Variants in FANCA observed in about 807,000 individuals in gnomAD.
FANCA encodes FA complementation group A, also known as Fanconi anemia group A protein.
In FANCA, 236 loss-of-function variants were observed where a neutral mutation model predicts 194.3. The ratio of observed to expected loss-of-function variants is 1.21; its 90% CI spans 1.09 to 1.35. FANCA has a LOEUF of 1.35. FANCA is among the 40% of genes most tolerant of loss of function. The probability of loss-of-function intolerance (pLI) is 0.00; values close to 1 mark genes in which losing one functional copy is unlikely to be tolerated. For synonymous variants in FANCA, 1,014 were observed against 715.8 expected, an observed-to-expected ratio of 1.42 and a Z score of -6.65; for missense variants, 2,628 against 1,813.9, an observed-to-expected ratio of 1.45 and a Z score of -8.15.
At position 89,816,607 on chromosome 16, in the gene FANCA, G is replaced by A. The variant is rs1255621477; in HGVS notation, c.9C>T (p.Asp3=). The A allele has an allele frequency of 2.0e-6, 3 of 1,525,990 alleles. No homozygotes were observed. The highest frequency in any genetic ancestry group is 1.7e-6 in the Non-Finnish European group (2 of 1,144,522). The allele number at this position is 1,525,990 out of a possible 1,614,324, so 94.5% of individuals were successfully genotyped here. The part of the protein sequence containing the change: MS[D]SWVPNSASGQ... ...CCGAGGCGGAGTTCGGGACCCACGAGTCGGACATGGCCTTGGCGCCTACAG... is the reference window on the plus strand; with the variant it reads ...CCGAGGCGGAGTTCGGGACCCACGAATCGGACATGGCCTTGGCGCCTACAG... The change falls in exon 1 of 43, where the codon GAC becomes GAT. Residue 3 remains aspartate (D), a synonymous_variant. Coordinates refer to ENST00000389301, the MANE Select transcript of FANCA (RefSeq NM_000135.4).
chr16:89,775,768 C>T lies in FANCA; in HGVS notation c.1874G>A (p.Cys625Tyr), dbSNP rs139235751. 4 of 1,612,776 alleles carry T rather than the reference C, an allele frequency of 2.5e-6. No individual in the cohort carries two copies. In the East Asian group the frequency reaches 8.9e-5, roughly 36 times the overall value. Residue 625 changes from cysteine to tyrosine, a missense_variant, in exon 21 of 43, where the codon TGC becomes TAC. Transcript: ENST00000389301. ...TTCTGGCTTCTCTTCAGCAGCAGAG[C>T]AGGCCTGGCAGTAGGTGGAGTACAG... is the stretch of plus-strand genomic sequence containing the variant. Reference protein sequence around the residue: ...PSLYSTYCQACSAAEEKPEDA... With the variant: ...PSLYSTYCQAYSAAEEKPEDA...
chr16:89,805,616 G>A (rs559579692), intron 6 of FANCA, among the ~76,000 whole-genome samples: 4 of 152,006 alleles, frequency 2.6e-5, no homozygotes, highest in Non-Finnish European at 4.4e-5. Context: ...ATACCACCAC[G>A]CCCAGCTGGA....
intron 29 of FANCA, among the ~76,000 whole-genome samples, chr16:89,761,123 G>A (rs563789492): frequency 2.0e-5 from 3 of 152,166 alleles, no homozygotes; most frequent in South Asian, 4.1e-4. Flanking sequence ...AATAACAACC[G>A]AAATTGGGCA....
chr16:89,805,706 G>A (rs2040616070), intron 6 of FANCA, among the ~76,000 whole-genome samples: 1 of 150,170 alleles, frequency 6.7e-6, no homozygotes, highest in Non-Finnish European at 1.5e-5. Context: ...AAAGTGCTGG[G>A]ATGACTGGTG....
chr16:89,774,754 A>AAAAC (rs34932314), intron 21 of FANCA, among the ~76,000 whole-genome samples: 2 of 145,716 alleles, frequency 1.4e-5, no homozygotes, highest in South Asian at 2.2e-4. Context: ...AAAAAAAAAA[A>AAAAC]TCTCAACGAG....
Position 89,740,169 on chromosome 16 carries a change from C to T in FANCA, c.3829-70G>A, listed in dbSNP as rs559531582. Reference sequence around the variant, plus strand: ...CTCCCATGGGTAGGAGGGTACAGCCCTCAGCACAGAAGAGGGCATTTCCTC... The same window carrying T: ...CTCCCATGGGTAGGAGGGTACAGCCTTCAGCACAGAAGAGGGCATTTCCTC... On this transcript the variant is annotated intron_variant, in intron 38 of 42. Coordinates refer to ENST00000389301, the MANE Select transcript of FANCA (RefSeq NM_000135.4). 21 of 1,217,782 alleles carry T rather than the reference C, an allele frequency of 1.7e-5. No homozygotes were observed. The South Asian group carries it at 2.3e-4, about 13-fold the overall frequency. The allele number at this position is 1,217,782 out of a possible 1,614,324, so 75.4% of individuals were successfully genotyped here.
rs1235391053 is a variant in FANCA at position 89,749,799 on chromosome 16, T to G, written c.3170A>C (p.Gln1057Pro). The change falls in exon 32 of 43, where the codon CAG becomes CCG. Residue 1057 changes from glutamine to proline, a missense_variant. Transcript: ENST00000389301. The part of the protein sequence containing the change: ...FLFEIFRRRL[Q>P]ALTSGWSVAA... ...CACGCTCCACCCGCTTGTCAGAGCC[T>G]GGAGCCGTCTGCGGAAAATCTCAAA... The G allele has an allele frequency of 6.2e-7, 1 of 1,614,210 alleles. No homozygotes were observed. The highest frequency in any genetic ancestry group is 1.7e-5 in the Admixed American group (1 of 60,022).
rs754419548 is a variant in FANCA, at chr16:89,815,948, C to T, written c.118G>A (p.Ala40Thr). 2 of 1,614,100 alleles carry T rather than the reference C, an allele frequency of 1.2e-6. No individual in the cohort carries two copies. Among genetic ancestry groups the T allele is most frequent in the South Asian group, 1.1e-5 (1 of 91,088 alleles). The change falls in exon 2 of 43, where the codon GCA becomes ACA. Residue 40 changes from alanine to threonine, a missense_variant. Coordinates refer to ENST00000389301, the MANE Select transcript of FANCA (RefSeq NM_000135.4). ...VKREKYNPER[A>T]QKLKESAVRL... ...ACAGCTGATTCCTTTAATTTCTGTG[C>T]CCTTTCAGGATTATATTTTTCCCTC...
chr16:89,800,351 C>T (rs1422248465), intron 8 of FANCA, among the ~76,000 whole-genome samples: 1 of 152,216 alleles, frequency 6.6e-6, no homozygotes, highest in African/African-American at 2.4e-5. Context: ...CATACCACTA[C>T]TCAGAGAGCA....
chr16:89,758,561 A>C lies in FANCA; in HGVS notation c.2981+16T>G. On this transcript the variant is annotated intron_variant, in intron 30 of 42. Coordinates refer to ENST00000389301, the MANE Select transcript of FANCA (RefSeq NM_000135.4). ...CTGTCCCTCCAGAGAACCCTAATAC[A>C]GTGTGTGCTGCTAACCTTTGGTGGA... 2 of 1,612,788 alleles carry C rather than the reference A, an allele frequency of 1.2e-6. No homozygotes were observed. The highest frequency in any genetic ancestry group is 1.7e-6 in the Non-Finnish European group (2 of 1,179,058).
At chr16:89,790,833 C>CT (rs887439531) in intron 14 of FANCA, among the ~76,000 whole-genome samples, 5 of 151,396 alleles carry the variant, frequency 3.3e-5, no homozygotes, top group African/African-American at 7.3e-5. Context: ...CACTCATTTT[C>CT]TTTTTTTTCT....
intron 30 of FANCA, among the ~76,000 whole-genome samples, chr16:89,754,181 C>T (rs1280179200): frequency 6.6e-6 from 1 of 151,694 alleles, no homozygotes; most frequent in Non-Finnish European, 1.5e-5. Flanking sequence ...GAGATTGCAC[C>T]ACTGCACTCC....
At chr16:89,755,886 G>A (rs997643803) in intron 30 of FANCA, among the ~76,000 whole-genome samples, 1 of 139,394 alleles carries the variant, frequency 7.2e-6, no homozygotes, top group African/African-American at 2.7e-5. Context: ...GACCGGAGCC[G>A]CCCGCACACC....
chr16:89,800,124 A>G (rs1377197366), intron 8 of FANCA, among the ~76,000 whole-genome samples: 1 of 152,232 alleles, frequency 6.6e-6, no homozygotes, highest in Non-Finnish European at 1.5e-5. Flanking sequence ...TTACCCTAAG[A>G]CTGCTCTCAG....
intron 33 of FANCA, 116 bp downstream of exon 33, chr16:89,748,543 T>A: frequency 3.5e-6 from 3 of 860,488 alleles, no homozygotes. Flanking sequence ...CTATTTGACT[T>A]TGAACCCTTT....
chr16:89,749,767 T>C lies in FANCA; in HGVS notation c.3202A>G (p.Ser1068Gly). ...AGCAGCTCCCTCTGTCTCTGAAGGC[T>C]GGCAGCCACGCTCCACCCGCTTGTC... Reference protein sequence around the residue: ...ALTSGWSVAASLQRQRELLMY... With the variant: ...ALTSGWSVAAGLQRQRELLMY... Residue 1068 changes from serine (S) to glycine (G), a missense_variant, in exon 32 of 43, where the codon AGC (serine) becomes GGC (glycine). By Grantham distance (56) the Ser-to-Gly change is moderately conservative (BLOSUM62 0). Transcript: ENST00000389301. 1 of 1,614,212 alleles carries C rather than the reference T, an allele frequency of 6.2e-7. No homozygotes were observed. The highest frequency in any genetic ancestry group is 8.5e-7 in the Non-Finnish European group (1 of 1,180,024).
chr16:89,798,718 T>G, intron 10 of FANCA: 1 of 1,325,950 alleles, frequency 7.5e-7, no homozygotes, highest in Non-Finnish European at 9.7e-7. Context: ...CTTTGCCTAC[T>G]GGTGAATCTG....
rs1312747816 is a variant in FANCA at position 89,792,462 on chromosome 16, T to C, written c.1083+9A>G. 3 of 1,612,618 alleles carry C rather than the reference T, an allele frequency of 1.9e-6. No individual in the cohort carries two copies. The highest frequency in any genetic ancestry group is 1.1e-5 in the South Asian group (1 of 91,030). ...GCTCAGAAGCAGGTATAATACCACA[T>C]CCACTCACCCTGCGGTACAGTGAGG... On this transcript the variant is annotated intron_variant, in intron 12 of 42. Coordinates refer to ENST00000389301, the MANE Select transcript of FANCA (RefSeq NM_000135.4).
At chr16:89,739,323 G>C (rs369398999) in intron 40 of FANCA, 34 bp from the exon 41 acceptor site, 1 of 1,613,280 alleles carries the variant, frequency 6.2e-7, no homozygotes, top group African/African-American at 1.3e-5. Flanking sequence ...AATGGCTACA[G>C]ACTGCTGGAA....
Sources: allele counts gnomAD v4.1 joint callset (sites outside exome capture counted in the v4.1 genomes callset), GRCh38; gene constraint gnomAD v4.1.1; transcripts MANE v1.5; gene names NCBI Gene and HGNC (gene_info 2026-07-23, HGNC 2026-07-21).